Variants in USP34 observed in about 807,000 individuals in gnomAD.
USP34 encodes the protein ubiquitin carboxyl-terminal hydrolase 34.
Under a neutral mutation model 460.3 loss-of-function variants are expected in USP34, and 70 were observed. The ratio of observed to expected loss-of-function variants is 0.15; its 90% CI spans 0.13 to 0.19. The LOEUF is 0.19. USP34 is among the 10% of genes least tolerant of loss of function. USP34 has a pLI of 1.00. For synonymous variants in USP34, 1,647 were observed against 1,405.3 expected (o/e 1.17, Z -3.85); for missense variants, 3,985 against 4,236.2 (o/e 0.94, Z 1.65).
rs571051281 is a variant in USP34, at chr2:61,467,910, A to G, written c.43+2740T>C. On this transcript the variant is annotated intron_variant, in intron 1 of 79. Coordinates refer to ENST00000398571, the MANE Select transcript of USP34 (RefSeq NM_014709.4). ...TGTTGGGAATACAGGCGTGAGCTGTATTCAGAGTTGCCCGGCCAACTCTGA... is the reference window on the plus strand; with the variant it reads ...TGTTGGGAATACAGGCGTGAGCTGTGTTCAGAGTTGCCCGGCCAACTCTGA... 1.3e-4 allele frequency among the ~76,000 whole-genome samples: 20 copies of G among 151,890 alleles called. 1 individual carries two copies. The South Asian group carries it at 2.3e-3, about 17-fold the overall frequency.
rs370430069 is a variant in USP34, at chr2:61,344,027, T to A, written c.2288A>T (p.His763Leu). 1 of 1,613,414 alleles carries A rather than the reference T, an allele frequency of 6.2e-7. No individual in the cohort carries two copies. Among genetic ancestry groups the A allele is most frequent in the Non-Finnish European group, 8.5e-7 (1 of 1,179,584 alleles). ...HHHHHHHHDGHMVDDMLSADD... is the reference protein window; with the variant it reads ...HHHHHHHHDGLMVDDMLSADD... ...TGCACTTAGCATATCATCAACCATA[T>A]GCCTACAAAACAGAGAAAAGCACAA... is the stretch of plus-strand genomic sequence containing the variant. Residue 763 changes from histidine to leucine, a missense_variant and splice_region_variant, in exon 16 of 80, where the codon CAT becomes CTT. By Grantham distance (99) the His-to-Leu change is moderately conservative (BLOSUM62 -3). Transcript: ENST00000398571.
Position 61,350,319 on chromosome 2 carries a change from G to A in USP34, c.1448C>T (p.Ser483Phe). The A allele has an allele frequency of 6.2e-7, 1 of 1,613,442 alleles. No individual in the cohort carries two copies. The highest frequency in any genetic ancestry group is 8.5e-7 in the Non-Finnish European group (1 of 1,179,622). The change falls in exon 12 of 80, where the codon TCT becomes TTT. Residue 483 changes from serine (S) to phenylalanine (F), a missense_variant. By Grantham distance (155) the Ser-to-Phe change is radical. Transcript: ENST00000398571. ...TAAAGATGCAAAAGAACTCTGTTTA[G>A]ATAACTGAGCCTTAGCTGCTAGTGC... ...NNALAAKAQL[S>F]KQSSFASLLN...
chr2:61,283,197 T>C lies in USP34; in HGVS notation c.4946A>G (p.Asp1649Gly), dbSNP rs1689586505. Reference sequence around the variant, plus strand: ...TAGCCAATCTTGTAAATGATCGCTATCAGCAAGGCTAGATTTCACTAAAGA... The same window carrying C: ...TAGCCAATCTTGTAAATGATCGCTACCAGCAAGGCTAGATTTCACTAAAGA... ...CCSLVKSSLADSDHLQDWLKK... is the reference protein window; with the variant it reads ...CCSLVKSSLAGSDHLQDWLKK... Residue 1649 changes from aspartate to glycine, a missense_variant, in exon 37 of 80, where the codon GAT becomes GGT. Coordinates refer to ENST00000398571, the MANE Select transcript of USP34 (RefSeq NM_014709.4). 1 of 1,613,664 alleles carries C rather than the reference T, an allele frequency of 6.2e-7. No individual in the cohort carries two copies. Among genetic ancestry groups the C allele is most frequent in the Non-Finnish European group, 8.5e-7 (1 of 1,179,768 alleles).
chr2:61,369,019 A>G (rs1692524788), intron 10 of USP34, among the ~76,000 whole-genome samples: 1 of 152,216 alleles, frequency 6.6e-6, no homozygotes, highest in Non-Finnish European at 1.5e-5. Flanking sequence ...AGCAAAAAAT[A>G]TGAACAATTC....
At chr2:61,469,437 A>G (rs1027384658) in intron 1 of USP34, among the ~76,000 whole-genome samples, 1 of 152,190 alleles carries the variant, frequency 6.6e-6, no homozygotes, top group Non-Finnish European at 1.5e-5. Context: ...TTAAAATTCT[A>G]GGATAATTTA....
At chr2:61,441,802 C>CAAAAAAAAAAAAGAAAAAAAAA (rs1694971759) in intron 1 of USP34, among the ~76,000 whole-genome samples, 3 of 97,336 alleles carry the variant, frequency 3.1e-5, no homozygotes, top group African/African-American at 1.2e-4. Flanking sequence ...GACTGCATTA[C>CAAAAAAAAAAAAGAAAAAAAAA]AAAAAAAAAA....
In USP34 at chr2:61,354,098, ATAAC is replaced by A. The variant is rs1345981894; in HGVS notation, c.1252-3409_1252-3406del. 5.3e-5 allele frequency among the ~76,000 whole-genome samples: 8 copies of A among 152,324 alleles called. No individual in the cohort carries two copies. In the East Asian group the frequency reaches 5.8e-4, roughly 11 times the overall value. On this transcript the variant is annotated intron_variant, in intron 10 of 79. Transcript: ENST00000398571. Reference sequence around the variant, plus strand: ...AAAAATGGAAAGACAGAATACTTAAATAACTAACTAAATAAATAACCAATTTCAT... The same window carrying A: ...AAAAATGGAAAGACAGAATACTTAAATAACTAAATAAATAACCAATTTCAT...
chr2:61,434,675 C>T (rs1295830084), intron 1 of USP34, among the ~76,000 whole-genome samples: 1 of 152,036 alleles, frequency 6.6e-6, no homozygotes, highest in Admixed American at 6.6e-5. Context: ...ATTACTGTGT[C>T]CACACAGAAC....
At position 61,349,261 on chromosome 2, in the gene USP34, G is replaced by A. The variant is rs1305271620; in HGVS notation, c.1532C>T (p.Ala511Val). Residue 511 changes from alanine (A) to valine (V), a missense_variant, in exon 13 of 80, where the codon GCT becomes GTT. Ala to Val is a moderately conservative substitution (Grantham distance 64). Around this residue, in one of 14 missense-constraint regions of USP34, gnomAD observed 716 missense variants for 626.2 expected, o/e 1.14. Transcript: ENST00000398571. ...KKEEEELRRTAPSPWSPAASP... is the reference protein window; with the variant it reads ...KKEEEELRRTVPSPWSPAASP... ...AAGGCTCAACTTACAAGGTGATGGA[G>A]CTGTTCTTCTAAGCTCTTCTTCCTC... is the stretch of plus-strand genomic sequence containing the variant. 33 of 1,613,356 alleles carry A rather than the reference G, an allele frequency of 2.0e-5. No homozygotes were observed. The highest frequency in any genetic ancestry group is 2.6e-5 in the Non-Finnish European group (31 of 1,179,794).
rs1182941973 is a variant in USP34 at position 61,433,184 on chromosome 2, G to A, written c.44-12351C>T. ...ACCTGTTGGTGACAAAGTCCAGGAA[G>A]GCAGTATGGAAGCATCCAGCCTCTG... On this transcript the variant is annotated intron_variant, in intron 1 of 79. Transcript: ENST00000398571. Among the ~76,000 whole-genome samples, 12 of 152,168 alleles carry A rather than the reference G, an allele frequency of 7.9e-5. 1 individual carries two copies. The highest frequency in any genetic ancestry group is 7.9e-4 in the Admixed American group (12 of 15,272).
At chr2:61,283,979 TC>T (rs1408647727) in intron 35 of USP34, among the ~76,000 whole-genome samples, 2 of 152,042 alleles carry the variant, frequency 1.3e-5, no homozygotes, top group Non-Finnish European at 2.9e-5. Flanking sequence ...GGTATGAAGT[TC>T]CAGATAGAGC....
chr2:61,337,851 T>C (rs1691471203), intron 18 of USP34, among the ~76,000 whole-genome samples: 1 of 152,132 alleles, frequency 6.6e-6, no homozygotes, highest in African/African-American at 2.4e-5. Flanking sequence ...AGAAGAGGAA[T>C]TACTGGGTCA....
At chr2:61,190,180 TAA>T in intron 78 of USP34, 89 bp downstream of exon 78, 1 of 1,489,862 alleles carries the variant, frequency 6.7e-7, no homozygotes, top group Non-Finnish European at 8.9e-7. Context: ...ATCAGTAAGT[TAA>T]AGTTACGAGA....
At chr2:61,403,805 G>C (rs1479181058) in intron 3 of USP34, among the ~76,000 whole-genome samples, 2 of 151,848 alleles carry the variant, frequency 1.3e-5, no homozygotes, top group African/African-American at 2.4e-5. Flanking sequence ...GGCTAACAGG[G>C]TGAAGCCCCA....
At chr2:61,395,047 T>C (rs778053639) in intron 4 of USP34, 45 bp from the exon 5 acceptor site, 1 of 1,542,876 alleles carries the variant, frequency 6.5e-7, no homozygotes, top group Non-Finnish European at 8.7e-7. Flanking sequence ...AACGTACAAA[T>C]AATTTTTATC....
Position 61,188,375 on chromosome 2 carries a change from G to A in USP34, c.10368C>T (p.Ser3456=), listed in dbSNP as rs765335041. 3.1e-6 allele frequency: 5 copies of A among 1,613,972 alleles called. No homozygotes were observed. Among genetic ancestry groups the A allele is most frequent in the Non-Finnish European group, 2.5e-6 (3 of 1,180,032 alleles). The change falls in exon 80 of 80, where the codon TCC becomes TCT. Residue 3456 remains serine, a synonymous_variant. Coordinates refer to ENST00000398571, the MANE Select transcript of USP34 (RefSeq NM_014709.4). ...DCKEFKDLHC[S]KDSTLAEEES... ...CTTCCTCAGCTAGGGTAGAATCCTT[G>A]GAACAGTGGAGGTCTTTAAATTCTT... is the stretch of plus-strand genomic sequence containing the variant.
At chr2:61,284,548 T>TTTAAAAA (rs1241171483) in intron 35 of USP34, among the ~76,000 whole-genome samples, 2 of 152,188 alleles carry the variant, frequency 1.3e-5, no homozygotes, top group Non-Finnish European at 2.9e-5. Context: ...ATTCTATAAA[T>TTTAAAAA]TTAAAAATTT....
chr2:61,266,278 T>C (rs890194798), intron 41 of USP34, 111 bp from the exon 42 acceptor site: 27 of 1,027,546 alleles, frequency 2.6e-5, no homozygotes, highest in East Asian at 2.6e-4. Context: ...CAAAAACGTA[T>C]AGCAGCATGA....
Position 61,348,457 on chromosome 2 carries a change from G to A in USP34, c.1698C>T (p.Asp566=), listed in dbSNP as rs747664551. 4 of 1,612,420 alleles carry A rather than the reference G, an allele frequency of 2.5e-6. No homozygotes were observed. The highest frequency in any genetic ancestry group is 2.2e-5 in the South Asian group (2 of 91,074). Residue 566 remains aspartate, a synonymous_variant, in exon 15 of 80, where the codon GAC becomes GAT. Coordinates refer to ENST00000398571, the MANE Select transcript of USP34 (RefSeq NM_014709.4). ...DTEESMQGSS[D]ETANSGEDGS... is the part of the protein sequence containing the mutation. ...CATCTTCACCACTGTTGGCAGTTTC[G>A]TCAGAACTTCCCTGCATGGATTCCT...
Sources: gnomAD v4.1 joint callset for allele counts (sites outside exome capture counted in the v4.1 genomes callset) on GRCh38, gnomAD v4.1.1 for gene constraint, gnomAD v4.1.1 regional missense constraint, MANE v1.5 for transcripts, NCBI Gene and HGNC (gene_info 2026-07-23, HGNC 2026-07-21) for gene names.